Variants in DNAI2 observed in about 807,000 individuals in gnomAD.
The protein encoded by DNAI2 is dynein axonemal intermediate chain 2.
In DNAI2, 63 loss-of-function variants were observed where a neutral mutation model predicts 74.7. The observed-to-expected ratio is 0.84, with a 90% confidence interval of 0.69 to 1.04. The LOEUF (loss-of-function observed/expected upper bound fraction) is 1.04, where lower values mean the gene tolerates loss of function less well. Among genes scored for constraint, DNAI2 ranks in the 50% least tolerant of loss-of-function variants. The pLI is 0.00. For synonymous variants in DNAI2, 289 were observed against 314.9 expected, an observed-to-expected ratio of 0.92 and a Z score of 0.87; for missense variants, 688 against 803.2, an observed-to-expected ratio of 0.86 and a Z score of 1.73.
intron 9 of DNAI2, chr17:74,307,238 C>G: frequency 2.2e-6 from 1 of 456,186 alleles, no homozygotes; most frequent in Non-Finnish European, 4.4e-6. Flanking sequence ...GTGAAAGGAG[C>G]AGGGTGTCGA....
rs1411137257 is a variant in DNAI2, at chr17:74,314,102, G to A, written c.1723-19G>A. 1 of 1,613,490 alleles carries A rather than the reference G, an allele frequency of 6.2e-7. No individual in the cohort carries two copies. Among genetic ancestry groups the A allele is most frequent in the Non-Finnish European group, 8.5e-7 (1 of 1,179,596 alleles). ...GTCCCCTACCAACACCAACACTTCT[G>A]TGCTGTCTTCCCCTGCAGCAGCAAC... On this transcript the variant is annotated intron_variant, in intron 12 of 13. Transcript: ENST00000311014.
At chr17:74,289,525 A>G in intron 4 of DNAI2, 69 bp from the exon 5 acceptor site, 2 of 1,579,642 alleles carry the variant, frequency 1.3e-6, no homozygotes, top group Non-Finnish European at 8.6e-7. Flanking sequence ...TCTGACAAAA[A>G]AAAAAAAAAG....
At chr17:74,284,503 C>T (rs2051586088) in intron 2 of DNAI2, among the ~76,000 whole-genome samples, 1 of 152,004 alleles carries the variant, frequency 6.6e-6, no homozygotes, top group Non-Finnish European at 1.5e-5. Context: ...ACCTCTGCCT[C>T]CCAGGTTCAA....
At chr17:74,274,548 C>A (rs952767307) in intron 1 of DNAI2, among the ~76,000 whole-genome samples, 1 of 152,128 alleles carries the variant, frequency 6.6e-6, no homozygotes, top group Non-Finnish European at 1.5e-5. Flanking sequence ...GCCCTGGATC[C>A]GCCCCAAGTC....
Position 74,285,293 on chromosome 17 carries a change from T to C in DNAI2, c.345+92T>C. The C allele has an allele frequency of 3.3e-6, 5 of 1,495,372 alleles. No homozygotes were observed. The South Asian group carries it at 3.6e-5, about 11-fold the overall frequency. 92.6% of individuals were successfully genotyped at this position (1,495,372 alleles called of 1,614,324 possible). ...TGCCCCAGCTGTGCCTGGCCATCGC[T>C]GTGAGGCTCGTGTGAATGCTGGGGG... On this transcript the variant is annotated intron_variant, in intron 3 of 13. Transcript: ENST00000311014.
intron 8 of DNAI2, among the ~76,000 whole-genome samples, chr17:74,302,068 AAAGAAGGAAGGAAG>A (rs1567865779): frequency 1.2e-4 from 8 of 64,328 alleles, no homozygotes; most frequent in Non-Finnish European, 2.4e-4. Flanking sequence ...GGAAGGAAGG[AAAGAAGGAAGGAAG>A]GAAGGAAGGA....
intron 11 of DNAI2, among the ~76,000 whole-genome samples, chr17:74,310,803 G>T (rs2053480921): frequency 6.6e-6 from 1 of 152,126 alleles, no homozygotes; most frequent in Admixed American, 6.5e-5. Context: ...GCCTCCGAAA[G>T]TGCTGGGATT....
At chr17:74,287,145 A>T in intron 4 of DNAI2, 47 bp downstream of exon 4, 1 of 1,608,322 alleles carries the variant, frequency 6.2e-7, no homozygotes, top group Non-Finnish European at 8.5e-7. Context: ...CGTCACCCCC[A>T]TGCATGGGCG....
intron 6 of DNAI2, among the ~76,000 whole-genome samples, chr17:74,294,020 C>A: frequency 6.6e-6 from 1 of 152,014 alleles, no homozygotes; most frequent in East Asian, 2.0e-4. Flanking sequence ...TGGCCTCAAG[C>A]GATATGCCCA....
At chr17:74,287,440 G>A (rs1227010625) in intron 4 of DNAI2, among the ~76,000 whole-genome samples, 2 of 152,242 alleles carry the variant, frequency 1.3e-5, no homozygotes, top group Non-Finnish European at 2.9e-5. Flanking sequence ...CTGCACTCAT[G>A]CGAGTATATC....
intron 6 of DNAI2, 48 bp downstream of exon 6, chr17:74,291,181 A>G (rs1373220938): frequency 6.8e-7 from 1 of 1,479,292 alleles, no homozygotes. Context: ...TTTTTTTTAG[A>G]TGGAATTTTG....
At chr17:74,288,302 T>C (rs796355765) in intron 4 of DNAI2, among the ~76,000 whole-genome samples, 5 of 152,334 alleles carry the variant, frequency 3.3e-5, no homozygotes, top group African/African-American at 1.2e-4. Flanking sequence ...TCTGAGCACA[T>C]AGGCTGGACT....
chr17:74,302,172 T>C (rs1004458177), intron 8 of DNAI2, among the ~76,000 whole-genome samples: 15 of 152,006 alleles, frequency 9.9e-5, no homozygotes, highest in African/African-American at 3.6e-4. Flanking sequence ...GGCTCACACC[T>C]GTAATCCCAG....
intron 1 of DNAI2, among the ~76,000 whole-genome samples, chr17:74,277,906 A>C (rs375840422): frequency 7.9e-4 from 120 of 152,364 alleles, no homozygotes; most frequent in African/African-American, 2.8e-3. Context: ...AGTTGGCTAC[A>C]CATGGAATTG....
intron 5 of DNAI2, among the ~76,000 whole-genome samples, chr17:74,290,530 G>A (rs189720867): frequency 6.6e-6 from 1 of 152,296 alleles, no homozygotes; most frequent in East Asian, 1.9e-4. Flanking sequence ...ACGCTCTCCA[G>A]CTTCCCTTCG....
intron 6 of DNAI2, among the ~76,000 whole-genome samples, chr17:74,298,222 G>A (rs949927630): frequency 1.3e-5 from 2 of 152,214 alleles, no homozygotes; most frequent in Admixed American, 6.5e-5. Flanking sequence ...GCCCCTCTAG[G>A]GCCATGTGGG....
At chr17:74,278,720 T>C (rs1489586634) in intron 1 of DNAI2, among the ~76,000 whole-genome samples, 2 of 151,454 alleles carry the variant, frequency 1.3e-5, no homozygotes, top group Non-Finnish European at 2.9e-5. Flanking sequence ...GAGGTTGCAG[T>C]GAGCAGATAT....
intron 2 of DNAI2, among the ~76,000 whole-genome samples, chr17:74,284,443 C>T (rs372738024): frequency 6.6e-6 from 1 of 151,974 alleles, no homozygotes; most frequent in African/African-American, 2.4e-5. Context: ...GACGGAGTCT[C>T]GCTCTGTCGC....
At chr17:74,299,966 G>A (rs2052666513) in intron 7 of DNAI2, 109 bp downstream of exon 7, 5 of 1,496,106 alleles carry the variant, frequency 3.3e-6, no homozygotes, top group Non-Finnish European at 4.5e-6. Flanking sequence ...ATTTTATTTT[G>A]AGATGGAGTT....
Sources: gnomAD v4.1 joint callset for allele counts (sites outside exome capture counted in the v4.1 genomes callset) on GRCh38, gnomAD v4.1.1 for gene constraint, MANE v1.5 for transcripts, NCBI Gene and HGNC (gene_info 2026-07-23, HGNC 2026-07-21) for gene names.